Variants in OTOGL observed in about 807,000 individuals in gnomAD.
OTOGL encodes otogelin like, also known as otogelin-like protein.
Under a neutral mutation model 318.5 loss-of-function variants are expected in OTOGL, and 285 were observed. The ratio of observed to expected loss-of-function variants is 0.89; its 90% CI spans 0.81 to 0.99. The LOEUF (loss-of-function observed/expected upper bound fraction) is 0.99. Among genes scored for constraint, OTOGL ranks in the 50% least tolerant of loss-of-function variants. The pLI, the probability that OTOGL is intolerant of heterozygous loss-of-function variation, is 0.00. For synonymous variants in OTOGL, 987 were observed against 936.5 expected (o/e 1.05, Z -0.99); for missense variants, 2,899 against 2,845.6 (o/e 1.02, Z -0.43).
chr12:80,204,906 AG>A (rs1350574731), intron 1 of OTOGL, among the ~76,000 whole-genome samples: 1 of 152,078 alleles, frequency 6.6e-6, no homozygotes, highest in Non-Finnish European at 1.5e-5. Context: ...TCTTTTTTGG[AG>A]GGGAACATAC....
rs1592639082 is a variant in OTOGL, at chr12:80,271,826, A to G, written c.2681+16A>G. On this transcript the variant is annotated intron_variant, in intron 24 of 58. Coordinates refer to ENST00000547103, the MANE Select transcript of OTOGL (RefSeq NM_001378609.3). ...GTGCTCCAGGGTAAGCCTCTTCTTC[A>G]TAATACAGAACATTCAGGATTTGCC... is the stretch of plus-strand genomic sequence containing the variant. 3 of 1,603,672 alleles carry G rather than the reference A, an allele frequency of 1.9e-6. No individual in the cohort carries two copies. The highest frequency in any genetic ancestry group is 1.7e-6 in the Non-Finnish European group (2 of 1,173,386).
chr12:80,186,026 G>T (rs1269232096), intron 1 of OTOGL, among the ~76,000 whole-genome samples: 1 of 142,886 alleles, frequency 7.0e-6, no homozygotes, highest in Non-Finnish European at 1.5e-5. Flanking sequence ...TTCAGCACTG[G>T]GCTTTCAGGT....
Position 80,302,730 on chromosome 12 carries a change from A to C in OTOGL, c.3160A>C (p.Ile1054Leu). ...VVYFPEKDITILWDRKTTIHI... is the reference protein window; with the variant it reads ...VVYFPEKDITLLWDRKTTIHI... ...ATACTTTCCAGAGAAAGATATCACT[A>C]TTCTTTGGGATAGGAAGACAACTAT... Residue 1054 changes from isoleucine (I) to leucine (L), a missense_variant, in exon 28 of 59, where the codon ATT becomes CTT. By Grantham distance (5) the Ile-to-Leu change is conservative. Around this residue, in one of 3 missense-constraint regions of OTOGL, gnomAD observed 2,607 missense variants for 2,524.9 expected, o/e 1.03. Coordinates refer to ENST00000547103, the MANE Select transcript of OTOGL (RefSeq NM_001378609.3). 1 of 1,542,460 alleles carries C rather than the reference A, an allele frequency of 6.5e-7. No individual in the cohort carries two copies. The highest frequency in any genetic ancestry group is 8.7e-7 in the Non-Finnish European group (1 of 1,149,248).
chr12:80,355,082 G>C (rs1889783736), intron 46 of OTOGL, among the ~76,000 whole-genome samples: 3 of 151,728 alleles, frequency 2.0e-5, no homozygotes, highest in Admixed American at 6.6e-5. Context: ...ATTTGATTAG[G>C]CTAAATAAAT....
chr12:80,252,837 G>A (rs1329407487), intron 13 of OTOGL, among the ~76,000 whole-genome samples: 3 of 152,158 alleles, frequency 2.0e-5, no homozygotes, highest in African/African-American at 7.2e-5. Flanking sequence ...GCGGACCAGT[G>A]CTAGTCTGAG....
chr12:80,265,311 A>T, intron 20 of OTOGL, 101 bp downstream of exon 20: 2 of 1,138,648 alleles, frequency 1.8e-6, no homozygotes, highest in Admixed American at 2.4e-5. Context: ...TCAATATTGC[A>T]TGTAAGTTAT....
chr12:80,245,991 G>C (rs1193194404), intron 11 of OTOGL, among the ~76,000 whole-genome samples: 1 of 143,382 alleles, frequency 7.0e-6, no homozygotes, highest in African/African-American at 2.7e-5. Flanking sequence ...AAGAATGCTT[G>C]TGATTTTTGT....
chr12:80,370,168 A>G (rs944535853), intron 55 of OTOGL, among the ~76,000 whole-genome samples: 4 of 151,996 alleles, frequency 2.6e-5, no homozygotes, highest in Non-Finnish European at 5.9e-5. Flanking sequence ...TATATAAGTA[A>G]TATGATTTGT....
chr12:80,323,624 G>A, intron 34 of OTOGL, 99 bp from the exon 35 acceptor site: 3 of 910,992 alleles, frequency 3.3e-6, no homozygotes, highest in Non-Finnish European at 5.1e-6. Context: ...GCTCGAGCCT[G>A]AGTGACAGAG....
intron 1 of OTOGL, among the ~76,000 whole-genome samples, chr12:80,123,264 A>G (rs1870598327): frequency 1.3e-5 from 2 of 151,758 alleles, no homozygotes; most frequent in South Asian, 4.2e-4. Flanking sequence ...ATTCCCACCT[A>G]TGAGTGAGAA....
chr12:80,320,968 T>G (rs1887296024), intron 34 of OTOGL, among the ~76,000 whole-genome samples: 2 of 152,150 alleles, frequency 1.3e-5, no homozygotes, highest in African/African-American at 4.8e-5. Context: ...GATTTTTTAT[T>G]ATTATTACCC....
rs757819381 is a variant in OTOGL, at chr12:80,335,967, A to C, written c.4427A>C (p.Gln1476Pro). The change falls in exon 39 of 59, where the codon CAG (glutamine) becomes CCG (proline). Residue 1476 changes from glutamine (Q) to proline (P), a missense_variant. Around this residue, in one of 3 missense-constraint regions of OTOGL, gnomAD observed 2,607 missense variants for 2,524.9 expected, o/e 1.03. Coordinates refer to ENST00000547103, the MANE Select transcript of OTOGL (RefSeq NM_001378609.3). The stretch of plus-strand genomic sequence containing the variant: ...CTAATCTTTTTTTATTAACAGCCTC[A>C]GAAATTTGATCCTGTTTATGATTGT... Reference protein sequence around the residue: ...TPTTGLECEPQKFDPVYDCSQ... With the variant: ...TPTTGLECEPPKFDPVYDCSQ... 2.0e-6 allele frequency: 3 copies of C among 1,533,168 alleles called. No homozygotes were observed. Among genetic ancestry groups the C allele is most frequent in the East Asian group, 4.7e-5 (2 of 42,426 alleles). 95.0% of individuals were successfully genotyped at this position (1,533,168 alleles called of 1,614,324 possible).
intron 1 of OTOGL, among the ~76,000 whole-genome samples, chr12:80,145,437 A>T (rs1435968740): frequency 6.6e-6 from 1 of 152,044 alleles, no homozygotes; most frequent in Non-Finnish European, 1.5e-5. Context: ...TGGTACCAGT[A>T]CCATGCTGTT....
chr12:80,194,044 A>T (rs1442613000), intron 1 of OTOGL, among the ~76,000 whole-genome samples: 1 of 152,146 alleles, frequency 6.6e-6, no homozygotes, highest in African/African-American at 2.4e-5. Context: ...GACTAACAAC[A>T]CTGATTTTCT....
chr12:80,181,966 C>T (rs1250573508), intron 1 of OTOGL, among the ~76,000 whole-genome samples: 1 of 151,860 alleles, frequency 6.6e-6, no homozygotes, highest in Non-Finnish European at 1.5e-5. Context: ...GAGGTAAAGA[C>T]CAGTCTAGGC....
At chr12:80,356,630 G>A (rs1467171727) in intron 48 of OTOGL, 110 bp downstream of exon 48, 10 of 933,934 alleles carry the variant, frequency 1.1e-5, no homozygotes, top group Non-Finnish European at 1.4e-5. Flanking sequence ...ATAAAAGATT[G>A]CGGACTTGTC....
chr12:80,151,728 GGAAGAGTCAACTAGTTACT>G (rs1417310669), intron 1 of OTOGL, among the ~76,000 whole-genome samples: 2 of 152,164 alleles, frequency 1.3e-5, no homozygotes, highest in Admixed American at 1.3e-4. Flanking sequence ...GAGAGGCAAA[GGAAGAGTCAACTAGTTACT>G]GAAGAGTCAC....
intron 44 of OTOGL, chr12:80,343,526 T>TTTTTTA: frequency 8.5e-6 from 1 of 118,176 alleles, no homozygotes; most frequent in African/African-American, 4.6e-5. Context: ...TTTTTTTTTT[T>TTTTTTA]TTTTTTTTTT....
In OTOGL at chr12:80,232,964, C is replaced by A; in HGVS notation, c.684C>A (p.Thr228=). 6.3e-7 allele frequency: 1 copy of A among 1,599,138 alleles called. No individual in the cohort carries two copies. The highest frequency in any genetic ancestry group is 8.5e-7 in the Non-Finnish European group (1 of 1,179,482). ...CTGACTACATTCTTGTGAAAACAAC[C>A]TTTGGCTTTTCATTGGCTTGGGACG... The part of the protein sequence containing the change: ...KLADYILVKT[T]FGFSLAWDGI... The change falls in exon 9 of 59, where the codon ACC becomes ACA. Residue 228 remains threonine, a synonymous_variant. Transcript: ENST00000547103.
Sources: gnomAD v4.1 joint callset for allele counts (sites outside exome capture counted in the v4.1 genomes callset) on GRCh38, gnomAD v4.1.1 for gene constraint, gnomAD v4.1.1 regional missense constraint, MANE v1.5 for transcripts, NCBI Gene and HGNC (gene_info 2026-07-23, HGNC 2026-07-21) for gene names.